The following DNMT3A variants were observed in gnomAD, a reference collection of about 807,000 sequenced individuals.
The protein encoded by DNMT3A is DNA methyltransferase 3 alpha, also known as DNA (cytosine-5)-methyltransferase 3A.
DNMT3A carries 267 observed loss-of-function variants against 117.6 expected under a neutral mutation model. That is an observed-to-expected ratio of 2.27 (90% CI 2.05 to 2.51). The LOEUF (loss-of-function observed/expected upper bound fraction) is 2.51, where lower values mean the gene tolerates loss of function less well. Ranked by LOEUF, DNMT3A falls within the 30% of genes most tolerant of loss-of-function variation. DNMT3A has a pLI of 0.00. For missense variants in DNMT3A, 1,029 were observed against 1,260.2 expected (o/e 0.82, Z 2.78); for synonymous variants, 432 against 474.8 (o/e 0.91, Z 1.17).
chr2:25,266,422 T>C (rs1383362816), intron 6 of DNMT3A, among the ~76,000 whole-genome samples: 1 of 151,988 alleles, frequency 6.6e-6, no homozygotes, highest in Non-Finnish European at 1.5e-5. Flanking sequence ...TGCACTTCCA[T>C]TTCTCCTGAA....
chr2:25,341,065 C>G (rs1006710097), intron 1 of DNMT3A, among the ~76,000 whole-genome samples: 1 of 145,980 alleles, frequency 6.9e-6, no homozygotes, highest in Middle Eastern at 3.5e-3. Flanking sequence ...CCCTCCCGGC[C>G]CCGCCGGCGC....
rs566568712 is a variant in DNMT3A at position 25,309,105 on chromosome 2, G to A, written c.72+4808C>T. The stretch of plus-strand genomic sequence containing the variant: ...AGGAGAAGGCTTGATCAGAGGAGCT[G>A]CCCAGCAGGCCTCACCCACCCCTGG... On this transcript the variant is annotated intron_variant, in intron 2 of 22. Transcript: ENST00000321117. 2.0e-4 allele frequency among the ~76,000 whole-genome samples: 30 copies of A among 152,310 alleles called. No homozygotes were observed. In the South Asian group the frequency reaches 5.0e-3, roughly 25 times the overall value.
At chr2:25,322,902 TTC>T (rs2034650105) in intron 1 of DNMT3A, among the ~76,000 whole-genome samples, 1 of 152,032 alleles carries the variant, frequency 6.6e-6, no homozygotes, top group African/African-American at 2.4e-5. Flanking sequence ...CCGTCTCAAG[TTC>T]TCTGTCTGAA....
chr2:25,322,458 C>A (rs1194693871), intron 1 of DNMT3A, among the ~76,000 whole-genome samples: 6 of 151,998 alleles, frequency 3.9e-5, no homozygotes, highest in Non-Finnish European at 5.9e-5. Flanking sequence ...TCTCCACCCC[C>A]CACCCTCACG....
At position 25,248,228 on chromosome 2, in the gene DNMT3A, C is replaced by T; in HGVS notation, c.664G>A (p.Ala222Thr). The part of the protein sequence containing the change: ...REAEKKAKVI[A>T]GMNAVEENQG... ...TTTTCTTCCACAGCATTCATTCCTG[C>T]AATGACCTTGGCTTTCTTCTCAGCC... The change falls in exon 7 of 23, where the codon GCA becomes ACA. Residue 222 changes from alanine to threonine, a missense_variant. Transcript: ENST00000321117. The T allele has an allele frequency of 1.2e-6, 2 of 1,612,612 alleles. No individual in the cohort carries two copies. Among genetic ancestry groups the T allele is most frequent in the Non-Finnish European group, 1.7e-6 (2 of 1,179,644 alleles).
At position 25,286,452 on chromosome 2, in the gene DNMT3A, A is replaced by G. The variant is rs2032319334; in HGVS notation, c.178-3741T>C. On this transcript the variant is annotated intron_variant, in intron 3 of 22. Coordinates refer to ENST00000321117, the MANE Select transcript of DNMT3A (RefSeq NM_022552.5). This position sits in a 1 kb window ranked among gnomAD's most constrained non-coding sequence, Gnocchi z 4.3. ...CACCCGCTGAAATCCCCACTCCCGC[A>G]TCTGGTCCACACCATCCTCTGCCCA... 6.6e-6 allele frequency among the ~76,000 whole-genome samples: 1 copy of G among 152,168 alleles called. No individual in the cohort carries two copies. The highest frequency in any genetic ancestry group is 1.5e-5 in the Non-Finnish European group (1 of 68,018).
chr2:25,241,814 C>T, intron 16 of DNMT3A, 107 bp from the exon 17 acceptor site: 1 of 1,431,090 alleles, frequency 7.0e-7, no homozygotes, highest in Non-Finnish European at 9.4e-7. Flanking sequence ...CAGCTGTAGG[C>T]CCAAGTCCTA....
rs192553939 is a variant in DNMT3A, at chr2:25,319,779, T to C, written c.-177-5618A>G. 1.0e-3 allele frequency among the ~76,000 whole-genome samples: 157 copies of C among 152,152 alleles called. 5 individuals carry two copies. In the East Asian group the frequency reaches 0.028, roughly 27 times the overall value. On this transcript the variant is annotated intron_variant, in intron 1 of 22. Transcript: ENST00000321117. ...ATAGATTTTTTCTTTCTTTCTTTTT[T>C]TTTTTTTTGAGATGGACCCTTGCTC... is the stretch of plus-strand genomic sequence containing the variant.
At chr2:25,328,564 G>A (rs894585566) in intron 1 of DNMT3A, 24 of 461,730 alleles carry the variant, frequency 5.2e-5, no homozygotes, top group Admixed American at 1.2e-4. Flanking sequence ...GAGTTCATGC[G>A]TTGTATCTTG....
intron 6 of DNMT3A, among the ~76,000 whole-genome samples, chr2:25,262,679 T>A (rs1448991936): frequency 6.6e-6 from 1 of 152,230 alleles, no homozygotes; most frequent in Non-Finnish European, 1.5e-5. Context: ...CTTATTGTCC[T>A]GCCAGGTTAT....
upstream of DNMT3A, among the ~76,000 whole-genome samples, chr2:25,342,245 C>T (rs1158184457): frequency 2.0e-5 from 3 of 148,508 alleles, no homozygotes; most frequent in East Asian, 2.0e-4. The surrounding 1 kb of genome is among the most constrained non-coding windows in gnomAD (Gnocchi z 5.9). Flanking sequence ...GACTTCCCGG[C>T]CTCTGCGGCC....
At chr2:25,268,258 A>C (rs2030543791) in intron 6 of DNMT3A, among the ~76,000 whole-genome samples, 1 of 152,166 alleles carries the variant, frequency 6.6e-6, no homozygotes, top group South Asian at 2.1e-4. Context: ...CAGGAAAGAG[A>C]CCAGATCCTA....
intron 4 of DNMT3A, among the ~76,000 whole-genome samples, chr2:25,278,834 A>G (rs1434434300): frequency 2.0e-5 from 3 of 152,168 alleles, no homozygotes; most frequent in Non-Finnish European, 4.4e-5. Context: ...TGTCTCAAAA[A>G]AAAAAAAAAA....
intron 2 of DNMT3A, among the ~76,000 whole-genome samples, chr2:25,309,881 G>A (rs1308843205): frequency 2.0e-5 from 3 of 151,854 alleles, no homozygotes; most frequent in South Asian, 2.1e-4. Flanking sequence ...GTGAAACCCC[G>A]TCTCTACTAA....
intron 10 of DNMT3A, 124 bp from the exon 11 acceptor site, chr2:25,246,433 C>T (rs913218107): frequency 4.2e-5 from 60 of 1,438,304 alleles, no homozygotes; most frequent in Non-Finnish European, 4.9e-5. Context: ...CCCAACTCTA[C>T]GGTTCTAGCC....
rs1193297352 is a variant in DNMT3A, at chr2:25,306,424, C to T, written c.73-6181G>A. Among the ~76,000 whole-genome samples the T allele has an allele frequency of 2.0e-5, 3 of 152,156 alleles. No individual in the cohort carries two copies. Among genetic ancestry groups the T allele is most frequent in the Admixed American group, 6.5e-5 (1 of 15,282 alleles). On this transcript the variant is annotated intron_variant, in intron 2 of 22. Transcript: ENST00000321117. This position sits in a 1 kb window ranked among gnomAD's most constrained non-coding sequence, Gnocchi z 4.1. Reference sequence around the variant, plus strand: ...ACTGCTTAGGTCGTGTCATAATTACCGAGGAAAGCCTTCCATCCTCCTGAA... The same window carrying T: ...ACTGCTTAGGTCGTGTCATAATTACTGAGGAAAGCCTTCCATCCTCCTGAA...
Position 25,246,264 on chromosome 2 carries a change from TCCAC to T in DNMT3A, c.1321_1324del (p.Val441AsnfsTer209). 1 of 1,614,012 alleles carries T rather than the reference TCCAC, an allele frequency of 6.2e-7. No individual in the cohort carries two copies. Among genetic ancestry groups the T allele is most frequent in the Non-Finnish European group, 8.5e-7 (1 of 1,179,920 alleles). On this transcript the variant is annotated frameshift_variant, in exon 11 of 23. Transcript: ENST00000321117. LOFTEE classifies it high-confidence loss of function. ...TGGTGCGTAGGCAGCTGCCTCAGGT[TCCAC>T]CCACATGTCCGTGTACACTTCTTTG... is the stretch of plus-strand genomic sequence containing the variant.
Position 25,237,129 on chromosome 2 carries a change from A to T in DNMT3A, c.2409-124T>A. 1.2e-6 allele frequency: 1 copy of T among 846,636 alleles called. No homozygotes were observed. The highest frequency in any genetic ancestry group is 1.7e-5 in the South Asian group (1 of 60,424). The allele number at this position is 846,636 out of a possible 1,614,324, so 52.4% of individuals were successfully genotyped here. ...TCACAGGGTAAGAGCCCCTTCCCCA[A>T]ATCACGCACACACGTCATAACTCTC... On this transcript the variant is annotated intron_variant, in intron 20 of 22. Transcript: ENST00000321117. The surrounding 1 kb of genome is among the most constrained non-coding windows in gnomAD (Gnocchi z 5.4).
rs775710195 is a variant in DNMT3A at position 25,244,208 on chromosome 2, C to T, written c.1798G>A (p.Asp600Asn). ...AACATCTGGAGCCGGGAGGGCCAGT[C>T]CTCTCGCCGCCGCAGCAGCCCGTAG... is the stretch of plus-strand genomic sequence containing the variant. ...GTYGLLRRRE[D>N]WPSRLQMFFA... The change falls in exon 15 of 23, where the codon GAC becomes AAC. Residue 600 changes from aspartate to asparagine, a missense_variant. Asp to Asn is a conservative substitution (Grantham distance 23). Coordinates refer to ENST00000321117, the MANE Select transcript of DNMT3A (RefSeq NM_022552.5). The T allele has an allele frequency of 6.2e-7, 1 of 1,613,936 alleles. No individual in the cohort carries two copies. Among genetic ancestry groups the T allele is most frequent in the Non-Finnish European group, 8.5e-7 (1 of 1,180,038 alleles).
Sources: allele counts gnomAD v4.1 joint callset (sites outside exome capture counted in the v4.1 genomes callset), GRCh38; gene constraint gnomAD v4.1.1; non-coding constraint Gnocchi (gnomAD v3.1); transcripts MANE v1.5; gene names NCBI Gene and HGNC (gene_info 2026-07-23, HGNC 2026-07-21).